The following RBFOX1 variants were observed in gnomAD, a reference collection of about 807,000 sequenced individuals.
RBFOX1 encodes RNA binding protein fox-1 homolog 1.
A neutral mutation model predicts 57.7 loss-of-function variants in RBFOX1; 8 were observed. The observed-to-expected ratio is 0.14, with a 90% CI of 0.08 to 0.25. The LOEUF (loss-of-function observed/expected upper bound fraction) is 0.25, where lower values mean the gene tolerates loss of function less well. Among genes scored for constraint, RBFOX1 ranks in the 10% least tolerant of loss-of-function variants. RBFOX1 has a pLI of 1.00. For synonymous variants in RBFOX1, 326 were observed against 222.4 expected (o/e 1.47, Z -4.15); for missense variants, 611 against 548.5 (o/e 1.11, Z -1.14).
At chr16:7,258,895 G>T (rs993750210) in intron 4 of RBFOX1, among the ~76,000 whole-genome samples, 11 of 152,158 alleles carry the variant, frequency 7.2e-5, no homozygotes, top group Non-Finnish European at 1.6e-4. Context: ...TTAAAAGTTT[G>T]CAGTGGTCCT....
chr16:6,155,015 C>T lies in RBFOX1; in HGVS notation c.-127+135023C>T, dbSNP rs144214892. Among the ~76,000 whole-genome samples the T allele has an allele frequency of 5.3e-5, 8 of 152,164 alleles. No homozygotes were observed. The East Asian group carries it at 1.5e-3, about 29-fold the overall frequency. On this transcript the variant is annotated intron_variant, in intron 1 of 15. Coordinates refer to ENST00000550418, the MANE Select transcript of RBFOX1 (RefSeq NM_018723.4). Reference sequence around the variant, plus strand: ...ATGCTTCCATTGTTGAAAATTTTTGCTAACAAGGGTCAATTATATAAATTT... The same window carrying T: ...ATGCTTCCATTGTTGAAAATTTTTGTTAACAAGGGTCAATTATATAAATTT...
chr16:6,293,616 C>T (rs995367940), intron 1 of RBFOX1, among the ~76,000 whole-genome samples: 11 of 152,020 alleles, frequency 7.2e-5, no homozygotes, highest in South Asian at 4.2e-4. Flanking sequence ...TACCTTATGC[C>T]GTATCTTAGT....
intron 4 of RBFOX1, among the ~76,000 whole-genome samples, chr16:5,886,395 C>G (rs1039561593): frequency 7.9e-5 from 12 of 152,178 alleles, no homozygotes; most frequent in African/African-American, 2.9e-4. Context: ...TTAGTTATTA[C>G]CAATCTCAAG....
At chr16:5,693,001 C>G (rs1219358511) in intron 3 of RBFOX1, among the ~76,000 whole-genome samples, 1 of 152,202 alleles carries the variant, frequency 6.6e-6, no homozygotes, top group African/African-American at 2.4e-5. Context: ...ACTATTTTTC[C>G]AGCTTCCCCC....
At chr16:5,651,708 T>G (rs1290040587) in intron 3 of RBFOX1, among the ~76,000 whole-genome samples, 1 of 152,174 alleles carries the variant, frequency 6.6e-6, no homozygotes, top group East Asian at 1.9e-4. Context: ...TGGATACCCA[T>G]CCCTGCCTGC....
At chr16:6,531,211 C>A (rs374446607) in intron 2 of RBFOX1, among the ~76,000 whole-genome samples, 14 of 152,268 alleles carry the variant, frequency 9.2e-5, no homozygotes, top group African/African-American at 3.4e-4. Context: ...TTTTCTCCAG[C>A]GCTCAGGGAC....
intron 4 of RBFOX1, among the ~76,000 whole-genome samples, chr16:7,455,448 T>C (rs1406396136): frequency 6.6e-6 from 1 of 152,146 alleles, no homozygotes; most frequent in East Asian, 1.9e-4. Context: ...CAAGAAAATA[T>C]TAAATATTTA....
At chr16:6,898,965 GTGTA>G (rs1262705456) in intron 3 of RBFOX1, among the ~76,000 whole-genome samples, 1 of 151,508 alleles carries the variant, frequency 6.6e-6, no homozygotes, top group African/African-American at 2.4e-5. Flanking sequence ...CATTGTGTAT[GTGTA>G]TGATGTGTGT....
intron 4 of RBFOX1, among the ~76,000 whole-genome samples, chr16:5,944,964 TAAAA>T (rs386384118): frequency 2.1e-5 from 1 of 48,052 alleles, no homozygotes; most frequent in South Asian, 1.3e-3. Flanking sequence ...GACTCTGTCA[TAAAA>T]AAAAAAAAAA....
intron 2 of RBFOX1, among the ~76,000 whole-genome samples, chr16:5,547,163 T>C: frequency 6.6e-6 from 1 of 152,164 alleles, no homozygotes; most frequent in East Asian, 1.9e-4. Context: ...GAATGTAAAA[T>C]GGTATAACCA....
At chr16:6,965,313 T>TG (rs1379069352) in intron 3 of RBFOX1, among the ~76,000 whole-genome samples, 12 of 144,082 alleles carry the variant, frequency 8.3e-5, no homozygotes. Context: ...CTTTTTCTTT[T>TG]GTTGTGTGTG....
chr16:7,093,613 G>T (rs778501856), intron 4 of RBFOX1, among the ~76,000 whole-genome samples: 1 of 152,120 alleles, frequency 6.6e-6, no homozygotes, highest in Non-Finnish European at 1.5e-5. Context: ...TGGATGGATC[G>T]AAAGTTAATG....
rs572189531 is a variant in RBFOX1, at chr16:6,763,245, C to A, written c.-16+108595C>A. On this transcript the variant is annotated intron_variant, in intron 3 of 15. Coordinates refer to ENST00000550418, the MANE Select transcript of RBFOX1 (RefSeq NM_018723.4). Reference sequence around the variant, plus strand: ...TTATTTGTTGAAGGAATGAATTAATCAATAAATGGTTTATCACAATTTCCT... The same window carrying A: ...TTATTTGTTGAAGGAATGAATTAATAAATAAATGGTTTATCACAATTTCCT... 1.6e-4 allele frequency among the ~76,000 whole-genome samples: 25 copies of A among 152,282 alleles called. No homozygotes were observed. In the South Asian group the frequency reaches 3.7e-3, roughly 23 times the overall value.
chr16:6,926,041 G>T (rs913330325), intron 3 of RBFOX1, among the ~76,000 whole-genome samples: 1 of 152,060 alleles, frequency 6.6e-6, no homozygotes, highest in Non-Finnish European at 1.5e-5. Context: ...GGGCTTGGTG[G>T]CTCGTGTTAG....
At chr16:7,508,028 C>G (rs2073939809) in intron 4 of RBFOX1, among the ~76,000 whole-genome samples, 1 of 151,826 alleles carries the variant, frequency 6.6e-6, no homozygotes, top group Non-Finnish European at 1.5e-5. Flanking sequence ...ACCCTATCAC[C>G]CAGGCTGGAG....
At chr16:5,917,424 T>C (rs915946517) in intron 4 of RBFOX1, among the ~76,000 whole-genome samples, 8 of 152,220 alleles carry the variant, frequency 5.3e-5, no homozygotes, top group African/African-American at 1.9e-4. Context: ...ATCTTCATTT[T>C]ATAAAAACAG....
intron 7 of RBFOX1, among the ~76,000 whole-genome samples, chr16:7,593,138 G>A (rs918890608): frequency 3.3e-5 from 5 of 152,004 alleles, no homozygotes; most frequent in Admixed American, 6.6e-5. Flanking sequence ...TGATGGTTTC[G>A]ATCACACGTA....
chr16:5,292,008 T>C (rs1230979565), intron 1 of RBFOX1, among the ~76,000 whole-genome samples: 4 of 137,912 alleles, frequency 2.9e-5, no homozygotes, highest in Non-Finnish European at 6.5e-5. Flanking sequence ...TTTTTTTTTT[T>C]CAACAGCCAA....
chr16:6,298,521 G>C (rs1420952237), intron 1 of RBFOX1, among the ~76,000 whole-genome samples: 3 of 152,170 alleles, frequency 2.0e-5, no homozygotes, highest in Non-Finnish European at 4.4e-5. Context: ...GGTAAGCCTT[G>C]ATTTCTTTTC....
Sources: gnomAD v4.1 joint callset for allele counts (sites outside exome capture counted in the v4.1 genomes callset) on GRCh38, gnomAD v4.1.1 for gene constraint, MANE v1.5 for transcripts, NCBI Gene and HGNC (gene_info 2026-07-23, HGNC 2026-07-21) for gene names.